The following TMEM132C variants were observed in gnomAD, a reference collection of about 807,000 sequenced individuals.
The protein encoded by TMEM132C is transmembrane protein 132C.
TMEM132C carries 29 observed loss-of-function variants against 61.4 expected under a neutral mutation model. The ratio of observed to expected loss-of-function variants is 0.47; its 90% CI spans 0.35 to 0.64. TMEM132C has a LOEUF of 0.64. Among genes scored for constraint, TMEM132C ranks in the 30% least tolerant of loss-of-function variants. The probability of loss-of-function intolerance (pLI) is 0.00; values close to 1 mark genes in which losing one functional copy is unlikely to be tolerated. For synonymous variants in TMEM132C, 656 were observed against 633.1 expected (o/e 1.04, Z -0.54); for missense variants, 1,408 against 1,476.9 (o/e 0.95, Z 0.76).
chr12:128,434,393 C>T (rs571032522), intron 2 of TMEM132C, among the ~76,000 whole-genome samples: 3 of 151,860 alleles, frequency 2.0e-5, no homozygotes, highest in East Asian at 2.0e-4. Context: ...CTCTGCCTCC[C>T]GGGTTCAAGA....
intron 2 of TMEM132C, among the ~76,000 whole-genome samples, chr12:128,516,825 G>A (rs908878869): frequency 1.9e-4 from 28 of 151,336 alleles, no homozygotes; most frequent in Non-Finnish European, 2.4e-4. Flanking sequence ...GAGGCAGGGG[G>A]ATGGCTTGAA....
chr12:128,584,480 C>T (rs1473629901), intron 3 of TMEM132C, among the ~76,000 whole-genome samples: 1 of 152,210 alleles, frequency 6.6e-6, no homozygotes, highest in African/African-American at 2.4e-5. Context: ...TTGGGTCTCT[C>T]CCTACCTAAA....
At chr12:128,566,740 G>A (rs1183939138) in intron 3 of TMEM132C, among the ~76,000 whole-genome samples, 1 of 152,200 alleles carries the variant, frequency 6.6e-6, no homozygotes, top group Non-Finnish European at 1.5e-5. Context: ...AGTTCGTACT[G>A]TATGGTGCCT....
chr12:128,447,827 C>T (rs532181829), intron 2 of TMEM132C, among the ~76,000 whole-genome samples: 1 of 119,282 alleles, frequency 8.4e-6, no homozygotes. Context: ...CCCGGGTTCA[C>T]GCCATTCTCC....
intron 2 of TMEM132C, among the ~76,000 whole-genome samples, chr12:128,466,254 G>T (rs1215195448): frequency 4.6e-5 from 7 of 152,178 alleles, no homozygotes; most frequent in Non-Finnish European, 8.8e-5. Flanking sequence ...AGGGATCCAA[G>T]TTGTCCTTGA....
chr12:128,636,569 TG>T (rs1954106117), intron 4 of TMEM132C, among the ~76,000 whole-genome samples: 1 of 17,616 alleles, frequency 5.7e-5, no homozygotes, highest in African/African-American at 1.1e-4. Context: ...TTTGTTTGTG[TG>T]TGTGTGTGTG....
intron 1 of TMEM132C, among the ~76,000 whole-genome samples, chr12:128,284,361 G>T (rs554942732): frequency 3.9e-5 from 6 of 152,306 alleles, no homozygotes; most frequent in African/African-American, 1.2e-4. Flanking sequence ...GTAACCTCAG[G>T]AGATAAGCAC....
intron 1 of TMEM132C, among the ~76,000 whole-genome samples, chr12:128,389,699 G>A (rs1006011326): frequency 6.6e-6 from 1 of 152,150 alleles, no homozygotes; most frequent in African/African-American, 2.4e-5. Context: ...CTCTGAGTTG[G>A]CATAAACATT....
chr12:128,582,714 A>G (rs957645025), intron 3 of TMEM132C, among the ~76,000 whole-genome samples: 4 of 152,086 alleles, frequency 2.6e-5, no homozygotes, highest in African/African-American at 9.7e-5. Context: ...CATGATTCCG[A>G]GGCCTCCCTA....
intron 2 of TMEM132C, among the ~76,000 whole-genome samples, chr12:128,508,857 T>C (rs1439592047): frequency 6.6e-6 from 1 of 152,128 alleles, no homozygotes; most frequent in African/African-American, 2.4e-5. Context: ...CCATATCATA[T>C]CATGTCATGT....
intron 2 of TMEM132C, 149 bp from the exon 3 acceptor site, chr12:128,543,808 C>A: frequency 9.5e-7 from 1 of 1,047,868 alleles, no homozygotes; most frequent in Non-Finnish European, 1.3e-6. Context: ...CTGGCATCAC[C>A]ACCACTGGGC....
intron 4 of TMEM132C, among the ~76,000 whole-genome samples, chr12:128,629,691 G>T (rs1359987747): frequency 6.6e-6 from 1 of 152,154 alleles, no homozygotes; most frequent in Non-Finnish European, 1.5e-5. Context: ...AATTTGTCCA[G>T]GCACGGTGGC....
chr12:128,677,644 C>T (rs1954602855), intron 5 of TMEM132C, among the ~76,000 whole-genome samples: 1 of 152,178 alleles, frequency 6.6e-6, no homozygotes, highest in Non-Finnish European at 1.5e-5. Context: ...ACCCTGTGCC[C>T]CCTGGGTGCC....
intron 2 of TMEM132C, among the ~76,000 whole-genome samples, chr12:128,442,898 G>A (rs1250425135): frequency 6.6e-6 from 1 of 152,098 alleles, no homozygotes; most frequent in Non-Finnish European, 1.5e-5. Context: ...TCTACCCCCA[G>A]TTCCTGGCAA....
intron 4 of TMEM132C, among the ~76,000 whole-genome samples, chr12:128,649,635 C>T (rs1566002850): frequency 6.6e-6 from 1 of 152,110 alleles, no homozygotes; most frequent in Non-Finnish European, 1.5e-5. Context: ...ATATTGCAAA[C>T]AGTAAAGAGG....
intron 1 of TMEM132C, among the ~76,000 whole-genome samples, chr12:128,281,633 C>G (rs2135899605): frequency 6.6e-6 from 1 of 152,320 alleles, no homozygotes; most frequent in Middle Eastern, 3.4e-3. Context: ...ACTCCTGGTT[C>G]TTGTATCTGC....
At chr12:128,700,915 A>G (rs1166434462) in intron 8 of TMEM132C, among the ~76,000 whole-genome samples, 2 of 152,194 alleles carry the variant, frequency 1.3e-5, no homozygotes, top group Non-Finnish European at 2.9e-5. Flanking sequence ...ATTCAGGTGC[A>G]AGTAGTTTAT....
At chr12:128,619,865 A>G (rs1025362401) in intron 4 of TMEM132C, among the ~76,000 whole-genome samples, 2 of 152,254 alleles carry the variant, frequency 1.3e-5, no homozygotes, top group African/African-American at 4.8e-5. Flanking sequence ...CCACATGAGC[A>G]GAGACCAGGC....
intron 2 of TMEM132C, among the ~76,000 whole-genome samples, chr12:128,425,650 AG>A (rs1267543970): frequency 2.0e-5 from 3 of 152,202 alleles, no homozygotes; most frequent in Non-Finnish European, 4.4e-5. Flanking sequence ...TGAGGGTGCC[AG>A]CAAGGCCATG....
Sources: gnomAD v4.1 joint callset for allele counts (sites outside exome capture counted in the v4.1 genomes callset) on GRCh38, gnomAD v4.1.1 for gene constraint, MANE v1.5 for transcripts, NCBI Gene and HGNC (gene_info 2026-07-23, HGNC 2026-07-21) for gene names.